The following DMD variants were observed in gnomAD, a reference collection of about 807,000 sequenced individuals.
DMD encodes mutant dystrophin.
DMD carries 63 observed loss-of-function variants against 330.1 expected under a neutral mutation model. The observed-to-expected ratio is 0.19, with a 90% CI of 0.16 to 0.24. The LOEUF is 0.24. DMD is among the 10% of genes least tolerant of loss of function. DMD has a pLI of 1.00. For missense variants in DMD, 3,344 were observed against 2,684.1 expected, an observed-to-expected ratio of 1.25 and a Z score of -5.43; for synonymous variants, 1,223 against 959.8, an observed-to-expected ratio of 1.27 and a Z score of -5.07.
chrX:32,501,309 A>G (rs1427908408), intron 19 of DMD, among the ~76,000 whole-genome samples: 1 of 112,055 alleles, frequency 8.9e-6, no homozygotes, highest in African/African-American at 3.2e-5. Flanking sequence ...AGAAAATGTC[A>G]TATATATTAT....
At chrX:31,335,203 C>T (rs2057351560) in intron 61 of DMD, among the ~76,000 whole-genome samples, 1 of 112,484 alleles carries the variant, frequency 8.9e-6, no homozygotes, top group African/African-American at 3.2e-5. Flanking sequence ...TTACATTGGT[C>T]ATTCAACAGA....
chrX:32,358,829 T>G (rs1001559733), intron 37 of DMD, among the ~76,000 whole-genome samples: 24 of 111,603 alleles, frequency 2.2e-4, no homozygotes, highest in Non-Finnish European at 2.8e-4. Context: ...GTAATATACG[T>G]AACGATGGAA....
At chrX:32,392,584 G>A (rs1439873722) in intron 30 of DMD, among the ~76,000 whole-genome samples, 1 of 111,458 alleles carries the variant, frequency 9.0e-6, no homozygotes, top group Non-Finnish European at 1.9e-5. Context: ...TCGAAAGAGG[G>A]CTGCAATAAT....
At chrX:33,212,694 A>T (rs2051964098), upstream of DMD, among the ~76,000 whole-genome samples, 1 of 111,769 alleles carries the variant, frequency 8.9e-6, no homozygotes, top group Admixed American at 9.5e-5. Context: ...GTGTTTTAGA[A>T]TATTATTGTC....
rs765014138 is a variant in DMD, at chrX:32,271,959, TTTTGAG to T, written c.6290+15564_6290+15569del. ...CTTATTCATTCTAGAATATTACAGC[TTTTGAG>T]TGAGAAGCTTATTATATACATTTAA... is the stretch of plus-strand genomic sequence containing the variant. On this transcript the variant is annotated intron_variant, in intron 43 of 78. Transcript: ENST00000357033. Among the ~76,000 whole-genome samples, 196 of 111,796 alleles carry T rather than the reference TTTTGAG, an allele frequency of 1.8e-3. 2 individuals are homozygous for T. The highest frequency in any genetic ancestry group is 1.8e-3 in the Non-Finnish European group (93 of 53,087).
At chrX:32,581,380 T>G (rs766859932) in intron 13 of DMD, among the ~76,000 whole-genome samples, 33 of 112,266 alleles carry the variant, frequency 2.9e-4, no homozygotes, top group Non-Finnish European at 5.6e-4. Context: ...AAAAACAGAC[T>G]AAGGATCATC....
At chrX:32,664,430 A>G (rs2061168387) in intron 9 of DMD, among the ~76,000 whole-genome samples, 1 of 109,168 alleles carries the variant, frequency 9.2e-6, no homozygotes, top group East Asian at 2.9e-4. Flanking sequence ...TTTAGTAGAG[A>G]CGGGGTTTCA....
chrX:32,588,259 C>CG (rs2054509362), intron 13 of DMD, among the ~76,000 whole-genome samples: 1 of 111,507 alleles, frequency 9.0e-6, no homozygotes, highest in African/African-American at 3.3e-5. Context: ...TGATCGGTGC[C>CG]CAAACAGACA....
At chrX:32,457,225 G>T (rs966814796) in intron 25 of DMD, among the ~76,000 whole-genome samples, 4 of 110,445 alleles carry the variant, frequency 3.6e-5, no homozygotes, top group Non-Finnish European at 7.6e-5. Context: ...TTAGTAATAC[G>T]AATTCACTGA....
chrX:32,718,713 C>T (rs934758032), intron 7 of DMD, among the ~76,000 whole-genome samples: 1 of 111,818 alleles, frequency 8.9e-6, no homozygotes, highest in African/African-American at 3.2e-5. Context: ...TAAATATTAC[C>T]TGTTCACTGT....
intron 43 of DMD, among the ~76,000 whole-genome samples, chrX:32,267,430 A>G (rs1408920817): frequency 8.9e-6 from 1 of 112,245 alleles, no homozygotes; most frequent in Non-Finnish European, 1.9e-5. Context: ...TTCTAGTGAA[A>G]ACTAATTTAT....
chrX:32,570,316 T>G (rs1393974492), intron 15 of DMD, among the ~76,000 whole-genome samples: 1 of 111,758 alleles, frequency 8.9e-6, no homozygotes, highest in Non-Finnish European at 1.9e-5. Context: ...GCAAAGGAAT[T>G]TTACCTCAAA....
intron 60 of DMD, among the ~76,000 whole-genome samples, chrX:31,351,746 C>CAAAAAAAAAAAAAAAAA (rs1300313892): frequency 1.5e-4 from 11 of 71,535 alleles, no homozygotes; most frequent in African/African-American, 4.6e-4. Flanking sequence ...AAAAAAAAAG[C>CAAAAAAAAAAAAAAAAA]AAAAAAGGAG....
intron 59 of DMD, among the ~76,000 whole-genome samples, chrX:31,463,603 T>C (rs2066668619): frequency 8.9e-6 from 1 of 112,027 alleles, no homozygotes; most frequent in Admixed American, 9.5e-5. Context: ...ACTTTATTCT[T>C]GTCACAACTT....
intron 2 of DMD, among the ~76,000 whole-genome samples, chrX:32,885,829 A>AAG (rs2084486865): frequency 2.2e-5 from 2 of 92,478 alleles, no homozygotes; most frequent in South Asian, 9.4e-4. Flanking sequence ...TTGAGGGGGA[A>AAG]AAAAAAAAAA....
rs2093535626 is a variant in DMD, at chrX:33,009,320, GTGTATA to G, written c.93+10813_93+10818del. On this transcript the variant is annotated intron_variant, in intron 2 of 78. Transcript: ENST00000357033. ...TGTGTATATACACATGTGTGTATAT[GTGTATA>G]TGTGTATATACACGTGTATATACAC... Among the ~76,000 whole-genome samples the G allele has an allele frequency of 5.1e-5, 2 of 39,298 alleles. 1 individual carries two copies. Among genetic ancestry groups the G allele is most frequent in the African/African-American group, 1.6e-4 (2 of 12,175 alleles). 34.1% of individuals were successfully genotyped at this position (39,298 alleles called of 115,157 possible). A position where few individuals can be genotyped will look rare whatever the true frequency, so the allele number is the denominator to read the frequency against.
chrX:32,026,036 T>C (rs1317748200), intron 44 of DMD, among the ~76,000 whole-genome samples: 1 of 112,280 alleles, frequency 8.9e-6, no homozygotes, highest in Admixed American at 9.4e-5. Flanking sequence ...TAAAGCAAAA[T>C]GTCACAGTTA....
Position 32,649,545 on chromosome X carries a change from G to C in DMD, c.961-4393C>G, listed in dbSNP as rs189710362. Among the ~76,000 whole-genome samples the C allele has an allele frequency of 2.2e-3, 152 of 70,071 alleles. 1 individual carries two copies. The highest frequency in any genetic ancestry group is 0.01 in the African/African-American group (144 of 14,179). 60.8% of individuals were successfully genotyped at this position (70,071 alleles called of 115,157 possible). A position where few individuals can be genotyped will look rare whatever the true frequency, so the allele number is the denominator to read the frequency against. On this transcript the variant is annotated intron_variant, in intron 9 of 78. Transcript: ENST00000357033. ...CACTCCGGCCTGGGCAAAACAGCAA[G>C]ACTCCGTCTCTTTTAAAAAAAAAAA...
chrX:32,143,729 T>C (rs2147088625), intron 44 of DMD, among the ~76,000 whole-genome samples: 1 of 107,508 alleles, frequency 9.3e-6, no homozygotes, highest in African/African-American at 3.4e-5. Context: ...TTTTGTATTT[T>C]TTAGTAGAGA....
Sources: gnomAD v4.1 joint callset for allele counts (sites outside exome capture counted in the v4.1 genomes callset) on GRCh38, gnomAD v4.1.1 for gene constraint, MANE v1.5 for transcripts, NCBI Gene and HGNC (gene_info 2026-07-23, HGNC 2026-07-21) for gene names.